Variants in CLVS1 observed in about 807,000 individuals in gnomAD.
CLVS1 encodes clavesin 1, also known as clavesin-1.
CLVS1 carries 10 observed loss-of-function variants against 33.1 expected under a neutral mutation model. The observed-to-expected ratio is 0.30, with a 90% CI of 0.19 to 0.51. The LOEUF (loss-of-function observed/expected upper bound fraction) is 0.51, where lower values mean the gene tolerates loss of function less well. CLVS1 is among the 20% of genes least tolerant of loss of function. CLVS1 has a pLI of 0.97. For missense variants in CLVS1, 343 were observed against 433.4 expected (o/e 0.79, Z 1.85); for synonymous variants, 163 against 166.1 (o/e 0.98, Z 0.14).
chr8:61,272,603 C>T (rs1453585810), intron 2 of CLVS1, among the ~76,000 whole-genome samples: 1 of 152,194 alleles, frequency 6.6e-6, no homozygotes, highest in Non-Finnish European at 1.5e-5. Context: ...CAACTTGGTT[C>T]CATTCTCCCC....
Position 61,295,835 on chromosome 8 carries a change from A to G in CLVS1, c.-151-3842A>G, listed in dbSNP as rs138386292. Among the ~76,000 whole-genome samples, 349 of 152,254 alleles carry G rather than the reference A, an allele frequency of 2.3e-3. 1 individual carries two copies. The highest frequency in any genetic ancestry group is 8.1e-3 in the African/African-American group (335 of 41,560). On this transcript the variant is annotated intron_variant, in intron 1 of 5. Transcript: ENST00000325897. ...GAGGACAATAATATACTCATTTCAT[A>G]CAGTTGTTCTGAGGATTAAATACTG...
intron 1 of CLVS1, among the ~76,000 whole-genome samples, chr8:61,084,637 A>T (rs576905974): frequency 9.4e-4 from 143 of 152,262 alleles, no homozygotes; most frequent in Non-Finnish European, 1.6e-3. Flanking sequence ...AAGAGCTGTA[A>T]GCTACAAACC....
chr8:61,267,547 G>A (rs1809336061), intron 2 of CLVS1, among the ~76,000 whole-genome samples: 1 of 151,982 alleles, frequency 6.6e-6, no homozygotes, highest in Non-Finnish European at 1.5e-5. Flanking sequence ...AATTTTATAG[G>A]GAAAATTATC....
Position 61,275,731 on chromosome 8 carries a change from T to TA in CLVS1, c.-151-23945dup, listed in dbSNP as rs1345982147. 6.0e-4 allele frequency among the ~76,000 whole-genome samples: 92 copies of TA among 152,338 alleles called. 2 individuals carry two copies. The highest frequency in any genetic ancestry group is 2.1e-3 in the African/African-American group (86 of 41,576). On this transcript the variant is annotated intron_variant, in intron 2 of 2. Transcript: ENST00000522621. ...CAACCAATAAAAACCAATTTGATTA[T>TA]AGCATTTCTTTCTATAAGCTTAAAG...
intron 5 of CLVS1, among the ~76,000 whole-genome samples, chr8:61,483,935 T>C (rs1022008202): frequency 2.0e-5 from 3 of 152,180 alleles, no homozygotes; most frequent in Non-Finnish European, 2.9e-5. Flanking sequence ...TAGGTATTGA[T>C]GGGAGTATCT....
In CLVS1 at chr8:61,066,936, G is replaced by A. The variant is rs907653647; in HGVS notation, c.-243+9706G>A. Among the ~76,000 whole-genome samples, 31 of 152,182 alleles carry A rather than the reference G, an allele frequency of 2.0e-4. 1 individual carries two copies. Among genetic ancestry groups the A allele is most frequent in the South Asian group, 6.2e-4 (3 of 4,812 alleles). On this transcript the variant is annotated intron_variant, in intron 1 of 2. Coordinates refer to the CLVS1 transcript ENST00000522621. Reference sequence around the variant, plus strand: ...CACACACGGCTGTCATAACTAACACGGCTGATGAGCATTCCATGACTGCAG... The same window carrying A: ...CACACACGGCTGTCATAACTAACACAGCTGATGAGCATTCCATGACTGCAG...
chr8:61,045,938 T>C, the CLVS1 span, among the ~76,000 whole-genome samples: 2 of 152,214 alleles, frequency 1.3e-5, no homozygotes, highest in African/African-American at 4.8e-5. Context: ...TTTTGTAGGT[T>C]GCCTGTACAC....
At chr8:61,109,684 C>T (rs897224899) in intron 1 of CLVS1, among the ~76,000 whole-genome samples, 3 of 152,084 alleles carry the variant, frequency 2.0e-5, no homozygotes, top group Middle Eastern at 3.4e-3. Context: ...TCTGAAGAGG[C>T]GATTGGATCA....
At chr8:61,293,106 C>A (rs2978528) in intron 1 of CLVS1, among the ~76,000 whole-genome samples, 40,916 of 152,060 alleles carry the variant, frequency 0.27, 6,737 homozygotes, top group Non-Finnish European at 0.35. Flanking sequence ...AGGGAGTCTA[C>A]ACAATGAGTA....
intron 3 of CLVS1, among the ~76,000 whole-genome samples, chr8:61,439,239 A>T (rs1394377645): frequency 6.6e-6 from 1 of 152,178 alleles, no homozygotes; most frequent in African/African-American, 2.4e-5. Context: ...TCTCCATCAA[A>T]TGGCTTTTAA....
chr8:61,332,869 A>G (rs1811651436), intron 2 of CLVS1, among the ~76,000 whole-genome samples: 1 of 152,176 alleles, frequency 6.6e-6, no homozygotes, highest in Admixed American at 6.5e-5. Flanking sequence ...TCCTGACCTC[A>G]GGTAATCCAC....
At chr8:61,468,702 A>C (rs1388678492) in intron 5 of CLVS1, among the ~76,000 whole-genome samples, 2 of 140,912 alleles carry the variant, frequency 1.4e-5, no homozygotes, top group Non-Finnish European at 3.1e-5. Flanking sequence ...TCCCAGCCAT[A>C]TAAGTAAAAG....
At chr8:61,340,676 T>G (rs762690793) in intron 2 of CLVS1, among the ~76,000 whole-genome samples, 2 of 152,366 alleles carry the variant, frequency 1.3e-5, no homozygotes, top group Non-Finnish European at 2.9e-5. Flanking sequence ...ACATACTGAC[T>G]GCATGTCTTT....
Position 61,297,284 on chromosome 8 carries a change from A to C in CLVS1, c.-151-2393A>C, listed in dbSNP as rs148342926. 3.9e-4 allele frequency among the ~76,000 whole-genome samples: 59 copies of C among 152,320 alleles called. No individual in the cohort carries two copies. The East Asian group carries it at 0.011, about 29-fold the overall frequency. On this transcript the variant is annotated intron_variant, in intron 1 of 5. Coordinates refer to ENST00000325897, the MANE Select transcript of CLVS1 (RefSeq NM_173519.3). ...AACTGTAATATAGAGAATAGGTTGA[A>C]ATGCAGAGAACGGACTGGCAGCAAG...
chr8:60,993,130 G>T, the CLVS1 span, among the ~76,000 whole-genome samples: 1 of 152,224 alleles, frequency 6.6e-6, no homozygotes, highest in Admixed American at 6.5e-5. Context: ...AATTTGTTCT[G>T]TCTGTCATTT....
chr8:61,487,198 A>C (rs1196135497), intron 5 of CLVS1, among the ~76,000 whole-genome samples: 5 of 152,214 alleles, frequency 3.3e-5, no homozygotes, highest in African/African-American at 1.2e-4. Context: ...CCTAGAGTGT[A>C]GTCGTTTCCC....
intron 2 of CLVS1, among the ~76,000 whole-genome samples, chr8:61,158,287 T>C (rs1563424970): frequency 2.0e-5 from 3 of 152,048 alleles, no homozygotes; most frequent in Admixed American, 2.0e-4. Flanking sequence ...TCCACGGTGA[T>C]GAAAATCAGA....
intron 2 of CLVS1, among the ~76,000 whole-genome samples, chr8:61,281,346 G>A (rs1809667398): frequency 6.6e-6 from 1 of 152,052 alleles, no homozygotes; most frequent in Admixed American, 6.6e-5. Flanking sequence ...TTGGAAATGG[G>A]GCCTCTAAGG....
the CLVS1 span, among the ~76,000 whole-genome samples, chr8:61,033,359 GTTC>G: frequency 2.1e-5 from 2 of 93,102 alleles, no homozygotes; most frequent in Non-Finnish European, 5.3e-5. Flanking sequence ...AGCCTGGCTT[GTTC>G]TTCTCCCAAG....
Sources: allele counts gnomAD v4.1 joint callset (sites outside exome capture counted in the v4.1 genomes callset), GRCh38; gene constraint gnomAD v4.1.1; transcripts MANE v1.5; gene names NCBI Gene and HGNC (gene_info 2026-07-23, HGNC 2026-07-21).